ASXL3: variants seen among roughly 807,000 people sequenced by gnomAD.
The protein encoded by ASXL3 is ASXL transcriptional regulator 3, also known as putative Polycomb group protein ASXL3.
ASXL3 carries 34 observed loss-of-function variants against 170.6 expected under a neutral mutation model. The observed-to-expected ratio is 0.20, with a 90% CI of 0.15 to 0.27. The LOEUF (loss-of-function observed/expected upper bound fraction) is 0.27, where lower values mean the gene tolerates loss of function less well. Among genes scored for constraint, ASXL3 ranks in the 10% least tolerant of loss-of-function variants. The pLI, the probability that ASXL3 is intolerant of heterozygous loss-of-function variation, is 1.00. For missense variants in ASXL3, 2,592 were observed against 2,695.3 expected (o/e 0.96, Z 0.85); for synonymous variants, 1,002 against 989.1 (o/e 1.01, Z -0.24).
chr18:33,708,606 C>T (rs2067003707), intron 8 of ASXL3, among the ~76,000 whole-genome samples: 1 of 152,022 alleles, frequency 6.6e-6, no homozygotes, highest in African/African-American at 2.4e-5. Flanking sequence ...GGGATGGTTA[C>T]CTGTCCTTAT....
At chr18:33,662,421 A>G (rs1298638663) in intron 5 of ASXL3, among the ~76,000 whole-genome samples, 1 of 152,204 alleles carries the variant, frequency 6.6e-6, no homozygotes, top group Non-Finnish European at 1.5e-5. Flanking sequence ...AAATGTGGGA[A>G]ATAATAGTAT....
intron 8 of ASXL3, among the ~76,000 whole-genome samples, chr18:33,705,491 G>T (rs1466788638): frequency 8.6e-5 from 13 of 151,512 alleles, no homozygotes; most frequent in Admixed American, 8.5e-4. Context: ...GCCATTTTCA[G>T]CAGCAAAATC....
At chr18:33,705,481 G>A (rs2145335285) in intron 8 of ASXL3, among the ~76,000 whole-genome samples, 1 of 151,458 alleles carries the variant, frequency 6.6e-6, no homozygotes, top group Non-Finnish European at 1.5e-5. Context: ...TATAAAATGA[G>A]CCATTTTCAG....
At chr18:33,636,694 AG>A (rs2065771729) in intron 2 of ASXL3, among the ~76,000 whole-genome samples, 3 of 152,138 alleles carry the variant, frequency 2.0e-5, no homozygotes, top group African/African-American at 7.2e-5. Context: ...ATCTGCTCTG[AG>A]GAGATGCATT....
At chr18:33,700,549 G>A (rs1166436941) in intron 8 of ASXL3, among the ~76,000 whole-genome samples, 1 of 151,932 alleles carries the variant, frequency 6.6e-6, no homozygotes, top group Non-Finnish European at 1.5e-5. Flanking sequence ...GAGCAGAAGA[G>A]AATGAAGTTT....
At chr18:33,601,797 T>TATATATATATATATATATATATATATATA (rs1568271302) in intron 1 of ASXL3, among the ~76,000 whole-genome samples, 1 of 56,578 alleles carries the variant, frequency 1.8e-5, no homozygotes, top group Non-Finnish European at 4.3e-5. Flanking sequence ...ATATATATAG[T>TATATATATATATATATATATATATATATA]TTGTTTGTTT....
chr18:33,603,161 C>T (rs1266664893), intron 1 of ASXL3, among the ~76,000 whole-genome samples: 1 of 151,910 alleles, frequency 6.6e-6, no homozygotes, highest in Non-Finnish European at 1.5e-5. Context: ...GCCAGAAGGG[C>T]AAAAATTTTA....
In ASXL3 at chr18:33,651,621, G is replaced by A. The variant is rs35988428; in HGVS notation, c.355+5268G>A. Among the ~76,000 whole-genome samples, 1,003 of 152,174 alleles carry A rather than the reference G, an allele frequency of 6.6e-3. 9 individuals are homozygous for A. Among genetic ancestry groups the A allele is most frequent in the Non-Finnish European group, 0.012 (805 of 67,996 alleles). ...CCTTGATGCGTTGAAAGAATAAGCC[G>A]CTGCTACCATAGTGTTATATTGGAT... On this transcript the variant is annotated intron_variant, in intron 4 of 11. Coordinates refer to ENST00000269197, the MANE Select transcript of ASXL3 (RefSeq NM_030632.3).
chr18:33,621,002 T>A (rs1319463299), intron 2 of ASXL3, among the ~76,000 whole-genome samples: 1 of 152,154 alleles, frequency 6.6e-6, no homozygotes, highest in East Asian at 1.9e-4. Context: ...TTTTAAACCA[T>A]GCTTGTGAGA....
intron 1 of ASXL3, among the ~76,000 whole-genome samples, chr18:33,582,940 A>T (rs1599367743): frequency 6.6e-6 from 1 of 152,304 alleles, no homozygotes; most frequent in African/African-American, 2.4e-5. Flanking sequence ...ATTTCCTTAA[A>T]TTAATAGAGG....
chr18:33,593,729 A>G lies in ASXL3; in HGVS notation c.55-13865A>G, dbSNP rs139620174. ...AAGTTGTAAATACACAGTTGCTTACATATTAAATTGTATTTTGTTTATGGC... is the reference window on the plus strand; with the variant it reads ...AAGTTGTAAATACACAGTTGCTTACGTATTAAATTGTATTTTGTTTATGGC... On this transcript the variant is annotated intron_variant, in intron 1 of 11. Transcript: ENST00000269197. Among the ~76,000 whole-genome samples the G allele has an allele frequency of 2.6e-4, 40 of 152,314 alleles. 1 individual carries two copies. The East Asian group carries it at 7.3e-3, about 28-fold the overall frequency.
chr18:33,595,954 G>A (rs559875229), intron 1 of ASXL3, among the ~76,000 whole-genome samples: 2 of 152,112 alleles, frequency 1.3e-5, no homozygotes, highest in African/African-American at 4.8e-5. Context: ...ATGAGAAAGG[G>A]CATTCTTTGG....
intron 1 of ASXL3, among the ~76,000 whole-genome samples, chr18:33,600,097 CAAG>C (rs1166113798): frequency 2.6e-5 from 4 of 151,988 alleles, no homozygotes; most frequent in Non-Finnish European, 4.4e-5. Context: ...CTGGAAAACT[CAAG>C]AATGTTCAGA....
chr18:33,629,025 G>T (rs919348323), intron 2 of ASXL3, among the ~76,000 whole-genome samples: 1 of 152,054 alleles, frequency 6.6e-6, no homozygotes, highest in East Asian at 1.9e-4. Context: ...ACACTAGAAA[G>T]GTTAAAGCTG....
chr18:33,594,993 A>G (rs1640960991), intron 1 of ASXL3, among the ~76,000 whole-genome samples: 1 of 152,304 alleles, frequency 6.6e-6, no homozygotes, highest in Non-Finnish European at 1.5e-5. Context: ...ATATTTATGC[A>G]TGACTCAAAT....
At chr18:33,695,066 T>C (rs1490328349) in intron 8 of ASXL3, among the ~76,000 whole-genome samples, 1 of 152,150 alleles carries the variant, frequency 6.6e-6, no homozygotes, top group Non-Finnish European at 1.5e-5. Flanking sequence ...TAACTCAGGC[T>C]CCTCTTAGAG....
intron 8 of ASXL3, among the ~76,000 whole-genome samples, chr18:33,686,388 C>A (rs2066597774): frequency 6.6e-6 from 1 of 152,160 alleles, no homozygotes. Context: ...AGTATAAAAC[C>A]AGTTAGAATC....
chr18:33,702,849 G>T (rs2066897933), intron 8 of ASXL3, among the ~76,000 whole-genome samples: 1 of 152,096 alleles, frequency 6.6e-6, no homozygotes, highest in Admixed American at 6.5e-5. Flanking sequence ...AAGCAATGGG[G>T]ATAAAATTAT....
Position 33,746,083 on chromosome 18 carries a change from A to T in ASXL3, c.6235A>T (p.Ile2079Leu), listed in dbSNP as rs777654994. ...ACAGTCCACGGGCATATGTAGCAATATAAAATCGGAACCTCTTTCTTTTGA... is the reference window on the plus strand; with the variant it reads ...ACAGTCCACGGGCATATGTAGCAATTTAAAATCGGAACCTCTTTCTTTTGA... ...WPQSTGICSN[I>L]KSEPLSFEEG... The change falls in exon 12 of 12, where the codon ATA becomes TTA. Residue 2079 changes from isoleucine to leucine, a missense_variant. Physicochemically the swap from Ile to Leu is conservative, Grantham distance 5. Coordinates refer to ENST00000269197, the MANE Select transcript of ASXL3 (RefSeq NM_030632.3). 1.2e-6 allele frequency: 2 copies of T among 1,613,590 alleles called. No individual in the cohort carries two copies. The highest frequency in any genetic ancestry group is 1.7e-6 in the Non-Finnish European group (2 of 1,179,890).
Sources: gnomAD v4.1 joint callset for allele counts (sites outside exome capture counted in the v4.1 genomes callset) on GRCh38, gnomAD v4.1.1 for gene constraint, MANE v1.5 for transcripts, NCBI Gene and HGNC (gene_info 2026-07-23, HGNC 2026-07-21) for gene names.